CAMK2D: variants seen among roughly 807,000 people sequenced by gnomAD.
CAMK2D encodes the protein calcium/calmodulin-dependent protein kinase type II subunit delta.
A neutral mutation model predicts 84.0 loss-of-function variants in CAMK2D; 37 were observed. That is an observed-to-expected ratio of 0.44 (90% CI 0.34 to 0.58). The LOEUF is 0.58. Ranked by LOEUF, CAMK2D falls within the 20% of genes least tolerant of loss-of-function variation. CAMK2D has a pLI of 0.02. For missense variants in CAMK2D, 448 were observed against 652.5 expected, an observed-to-expected ratio of 0.69 and a Z score of 3.41; for synonymous variants, 202 against 212.5, an observed-to-expected ratio of 0.95 and a Z score of 0.43.
chr4:113,760,390 G>C (rs1176784778), intron 1 of CAMK2D, among the ~76,000 whole-genome samples: 1 of 152,202 alleles, frequency 6.6e-6, no homozygotes, highest in East Asian at 1.9e-4. Context: ...ATGGTGAGCG[G>C]TAATCTGGTG....
Position 113,685,743 on chromosome 4 carries a change from G to A in CAMK2D, c.161-23971C>T, listed in dbSNP as rs72678782. ...TTTGAGAGATAGGGCTGATAATATT[G>A]TGGAGTATGGAACCAGAGAATGAAA... On this transcript the variant is annotated intron_variant, in intron 2 of 20. Coordinates refer to ENST00000511664, the MANE Select transcript of CAMK2D (RefSeq NM_001321571.2). Among the ~76,000 whole-genome samples the A allele has an allele frequency of 7.5e-4, 114 of 152,174 alleles. 2 individuals carry two copies. The South Asian group carries it at 8.5e-3, about 11-fold the overall frequency.
At chr4:113,494,244 T>G (rs989426507) in intron 16 of CAMK2D, among the ~76,000 whole-genome samples, 18 of 152,244 alleles carry the variant, frequency 1.2e-4, no homozygotes, top group Non-Finnish European at 2.4e-4. Context: ...AGTTTTTCTT[T>G]TCTGTTTTTT....
chr4:113,677,229 AT>A (rs2099322149), intron 2 of CAMK2D, among the ~76,000 whole-genome samples: 1 of 152,152 alleles, frequency 6.6e-6, no homozygotes, highest in African/African-American at 2.4e-5. Flanking sequence ...CATAGCACAA[AT>A]TCCACCTCTA....
chr4:113,732,550 T>C (rs1444961932), intron 2 of CAMK2D, among the ~76,000 whole-genome samples: 3 of 152,370 alleles, frequency 2.0e-5, no homozygotes, highest in Admixed American at 6.5e-5. Flanking sequence ...ATCAAAATGA[T>C]ATTAATTCAC....
chr4:113,666,617 G>A (rs765087492), intron 2 of CAMK2D, among the ~76,000 whole-genome samples: 3 of 151,790 alleles, frequency 2.0e-5, no homozygotes, highest in African/African-American at 4.8e-5. Context: ...ACACGCACAC[G>A]CAGGCACACA....
intron 2 of CAMK2D, among the ~76,000 whole-genome samples, chr4:113,688,009 G>A (rs577887234): frequency 3.9e-5 from 6 of 152,104 alleles, no homozygotes; most frequent in Non-Finnish European, 8.8e-5. Flanking sequence ...ACATTCACTA[G>A]GTAGATCAGG....
At chr4:113,580,466 C>A (rs983056572) in intron 4 of CAMK2D, among the ~76,000 whole-genome samples, 5 of 152,146 alleles carry the variant, frequency 3.3e-5, no homozygotes, top group Non-Finnish European at 5.9e-5. Context: ...ATTTTCTTAA[C>A]CGTAGATATA....
At chr4:113,536,322 A>C (rs971390227) in intron 7 of CAMK2D, among the ~76,000 whole-genome samples, 1 of 152,134 alleles carries the variant, frequency 6.6e-6, no homozygotes, top group Non-Finnish European at 1.5e-5. Flanking sequence ...GCTGCCAGGG[A>C]GGCTTGGCAC....
chr4:113,697,604 T>C (rs1162519431), intron 2 of CAMK2D, among the ~76,000 whole-genome samples: 1 of 152,144 alleles, frequency 6.6e-6, no homozygotes, highest in Non-Finnish European at 1.5e-5. Flanking sequence ...AATCATTTGC[T>C]GACATCTCTC....
At chr4:113,527,880 G>C (rs1319845481) in intron 8 of CAMK2D, among the ~76,000 whole-genome samples, 3 of 152,018 alleles carry the variant, frequency 2.0e-5, no homozygotes, top group African/African-American at 7.2e-5. Context: ...CACCTCACTT[G>C]TCTATCATTT....
At chr4:113,593,019 A>G (rs1217829794) in intron 4 of CAMK2D, among the ~76,000 whole-genome samples, 1 of 151,830 alleles carries the variant, frequency 6.6e-6, no homozygotes, top group Non-Finnish European at 1.5e-5. Flanking sequence ...ATGCCTGGCA[A>G]ATTTTTGTAT....
intron 16 of CAMK2D, among the ~76,000 whole-genome samples, chr4:113,485,023 C>T (rs1356524425): frequency 3.9e-5 from 6 of 152,144 alleles, no homozygotes; most frequent in Non-Finnish European, 7.4e-5. Context: ...TAAATCCCCA[C>T]GTGGTTCAGT....
chr4:113,459,449 C>A (rs1358013972), intron 18 of CAMK2D, among the ~76,000 whole-genome samples: 1 of 152,002 alleles, frequency 6.6e-6, no homozygotes, highest in African/African-American at 2.4e-5. Flanking sequence ...GAATTTCTGG[C>A]CTTAAACTAT....
intron 3 of CAMK2D, among the ~76,000 whole-genome samples, chr4:113,639,724 T>C (rs934536397): frequency 3.3e-5 from 5 of 150,410 alleles, no homozygotes; most frequent in African/African-American, 1.2e-4. Flanking sequence ...CAAGAGAAGA[T>C]GGAAAAATAA....
chr4:113,754,062 TATGCTTA>T lies in CAMK2D; in HGVS notation c.160+5251_160+5257del, dbSNP rs1450882987. The T allele has an allele frequency of 1.3e-5, 11 of 871,798 alleles. No individual in the cohort carries two copies. The African/African-American group carries it at 2.0e-4, about 16-fold the overall frequency. 54.0% of individuals were successfully genotyped at this position (871,798 alleles called of 1,614,324 possible). A position where few individuals can be genotyped will look rare whatever the true frequency, so the allele number is the denominator to read the frequency against. ...AAATAAACACATAAAGACATGTGAA[TATGCTTA>T]ATGATCTATAAAGTGATTTGAAATA... On this transcript the variant is annotated intron_variant, in intron 2 of 20. Coordinates refer to ENST00000511664, the MANE Select transcript of CAMK2D (RefSeq NM_001321571.2).
At chr4:113,508,160 T>TATC in intron 13 of CAMK2D, 1 of 1,039,882 alleles carries the variant, frequency 9.6e-7, no homozygotes. Flanking sequence ...TTACTTACAC[T>TATC]ATCTTAGGTA....
chr4:113,725,723 T>C (rs1157789641), intron 2 of CAMK2D, among the ~76,000 whole-genome samples: 1 of 152,138 alleles, frequency 6.6e-6, no homozygotes, highest in Non-Finnish European at 1.5e-5. Context: ...AATTAACTAC[T>C]GTAATTAACT....
chr4:113,611,079 A>G (rs888601925), intron 3 of CAMK2D, among the ~76,000 whole-genome samples: 5 of 148,158 alleles, frequency 3.4e-5, no homozygotes, highest in African/African-American at 1.2e-4. Flanking sequence ...CACACACACA[A>G]TGTATATAAA....
At chr4:113,470,656 A>AAC (rs2097536668) in intron 16 of CAMK2D, among the ~76,000 whole-genome samples, 1 of 151,938 alleles carries the variant, frequency 6.6e-6, no homozygotes, top group Admixed American at 6.6e-5. Context: ...AAAAAAAAAA[A>AAC]AAAGTCTTCC....
Sources: gnomAD v4.1 joint callset for allele counts (sites outside exome capture counted in the v4.1 genomes callset) on GRCh38, gnomAD v4.1.1 for gene constraint, MANE v1.5 for transcripts, NCBI Gene and HGNC (gene_info 2026-07-23, HGNC 2026-07-21) for gene names.